ERG: variants seen among roughly 807,000 people sequenced by gnomAD.
ERG encodes the protein ETS transcription factor ERG.
A neutral mutation model predicts 55.3 loss-of-function variants in ERG; 9 were observed. The observed-to-expected ratio is 0.16, with a 90% CI of 0.10 to 0.28. The LOEUF (loss-of-function observed/expected upper bound fraction) is 0.28. Ranked by LOEUF, ERG falls within the 10% of genes least tolerant of loss-of-function variation. The pLI, the probability that ERG is intolerant of heterozygous loss-of-function variation, is 1.00. For missense variants in ERG, 434 were observed against 631.6 expected (o/e 0.69, Z 3.35); for synonymous variants, 223 against 237.3 (o/e 0.94, Z 0.55).
At chr21:38,407,498 G>A (rs1200422039) in intron 3 of ERG, among the ~76,000 whole-genome samples, 1 of 151,254 alleles carries the variant, frequency 6.6e-6, no homozygotes, top group African/African-American at 2.4e-5. Flanking sequence ...AAGGAGATGG[G>A]GAATTTTAGA....
At position 38,384,055 on chromosome 21, in the gene ERG, C is replaced by G; in HGVS notation, c.920-132G>C. 2.4e-6 allele frequency: 3 copies of G among 1,230,940 alleles called. No homozygotes were observed. The South Asian group carries it at 4.6e-5, about 19-fold the overall frequency. The allele number at this position is 1,230,940 out of a possible 1,614,324, so 76.3% of individuals were successfully genotyped here. On this transcript the variant is annotated intron_variant, in intron 9 of 9. Coordinates refer to ENST00000288319, the MANE Select transcript of ERG (RefSeq NM_182918.4). ...CCCTTCACCAGGCCTGTCCGTCCAT[C>G]CCTCAGCTGCAGGGGTGCGGACTGC...
chr21:38,645,281 C>T lies in ERG; in HGVS notation c.-150+16377G>A, dbSNP rs1263845188. 2.6e-5 allele frequency among the ~76,000 whole-genome samples: 4 copies of T among 152,260 alleles called. No individual in the cohort carries two copies. In the East Asian group the frequency reaches 7.7e-4, roughly 29 times the overall value. The stretch of plus-strand genomic sequence containing the variant: ...CTCAAAGGGAATTACCCAGAAAAGG[C>T]AAGAAAAACCTAAGTGTGAACTATG... On this transcript the variant is annotated intron_variant, in intron 1 of 10. Coordinates refer to the ERG transcript ENST00000398910.
At chr21:38,418,796 G>A (rs937517093) in intron 3 of ERG, among the ~76,000 whole-genome samples, 55 of 151,298 alleles carry the variant, frequency 3.6e-4, no homozygotes, top group African/African-American at 1.2e-3. Context: ...GCGTGGTGGC[G>A]GGCGCCTGTA....
chr21:38,612,978 A>G (rs927439358), intron 1 of ERG, among the ~76,000 whole-genome samples: 2 of 152,168 alleles, frequency 1.3e-5, no homozygotes, highest in Non-Finnish European at 2.9e-5. Context: ...TGACATTTCT[A>G]AGCAGTAGAT....
chr21:38,563,991 C>A (rs933151741), intron 2 of ERG, among the ~76,000 whole-genome samples: 22 of 152,088 alleles, frequency 1.4e-4, no homozygotes, highest in African/African-American at 5.3e-4. Context: ...CAATTGTAAT[C>A]TTTTCTGATT....
chr21:38,367,713 T>C, the ERG span: 1 of 485,066 alleles, frequency 2.1e-6, no homozygotes, highest in South Asian at 1.6e-5. Context: ...AGGCGACCCA[T>C]ATTAGAACAA....
chr21:38,509,592 C>T (rs371674277), intron 2 of ERG, among the ~76,000 whole-genome samples: 1 of 152,142 alleles, frequency 6.6e-6, no homozygotes, highest in Non-Finnish European at 1.5e-5. Flanking sequence ...CTCTCCCATC[C>T]CTAACTTTGG....
At chr21:38,402,468 C>T (rs552673726) in intron 5 of ERG, 89 bp downstream of exon 5, 7 of 903,516 alleles carry the variant, frequency 7.7e-6, no homozygotes, top group South Asian at 7.3e-5. Flanking sequence ...GTCTTCCTGG[C>T]ACGCGCTGAC....
chr21:38,511,110 C>A (rs1342413711), intron 2 of ERG, among the ~76,000 whole-genome samples: 1 of 152,054 alleles, frequency 6.6e-6, no homozygotes, highest in Non-Finnish European at 1.5e-5. Context: ...AATGTTTCCC[C>A]CTGAATTTTC....
In ERG at chr21:38,584,863, T is replaced by C. The variant is rs1193579664; in HGVS notation, c.-146A>G. ...TTTTACCTTTAGTTGCCCTTGGTTC[T>C]GCCATCTTTTTTCTCTGTGAGTCAT... On this transcript the variant is annotated 5_prime_UTR_variant, in exon 1 of 9. Coordinates refer to the ERG transcript ENST00000398897. The C allele has an allele frequency of 2.6e-5, 4 of 152,272 alleles. No individual in the cohort carries two copies. In the South Asian group the frequency reaches 6.2e-4, roughly 24 times the overall value. 9.4% of individuals were successfully genotyped at this position (152,272 alleles called of 1,614,324 possible).
chr21:38,453,768 C>G (rs1478385478), intron 1 of ERG, among the ~76,000 whole-genome samples: 2 of 151,612 alleles, frequency 1.3e-5, no homozygotes, highest in African/African-American at 4.9e-5. Context: ...CCTGCAATCT[C>G]AGCTACTCAG....
At chr21:38,578,088 C>T (rs1222981948) in intron 1 of ERG, among the ~76,000 whole-genome samples, 1 of 150,926 alleles carries the variant, frequency 6.6e-6, no homozygotes, top group Non-Finnish European at 1.5e-5. Context: ...CAGCCAGCAC[C>T]AACGCCAGGC....
intron 2 of ERG, among the ~76,000 whole-genome samples, chr21:38,530,174 C>A (rs1463179725): frequency 6.6e-6 from 1 of 152,006 alleles, no homozygotes; most frequent in Non-Finnish European, 1.5e-5. Flanking sequence ...ATTCTCCCAC[C>A]TTTGCCTCCT....
chr21:38,632,808 G>A (rs1161168310), intron 1 of ERG, among the ~76,000 whole-genome samples: 1 of 152,172 alleles, frequency 6.6e-6, no homozygotes, highest in African/African-American at 2.4e-5. Context: ...GTAAAATGGT[G>A]TAGCCCCTCT....
chr21:38,590,138 A>G (rs1478092617), intron 1 of ERG, among the ~76,000 whole-genome samples: 1 of 152,204 alleles, frequency 6.6e-6, no homozygotes, highest in Non-Finnish European at 1.5e-5. Flanking sequence ...GTCTATCCAC[A>G]TGTTGAGTGT....
rs138123054 is a variant in ERG, at chr21:38,448,277, C to T, written c.19-2656G>A. 1.2e-4 allele frequency among the ~76,000 whole-genome samples: 19 copies of T among 152,272 alleles called. No individual in the cohort carries two copies. The East Asian group carries it at 3.5e-3, about 28-fold the overall frequency. ...AAATGCTAGAGATGGGGGAGGCATGCCTCCTTTTTTTGCATCTTAAAATTC... is the reference window on the plus strand; with the variant it reads ...AAATGCTAGAGATGGGGGAGGCATGTCTCCTTTTTTTGCATCTTAAAATTC... On this transcript the variant is annotated intron_variant, in intron 1 of 9. Coordinates refer to ENST00000288319, the MANE Select transcript of ERG (RefSeq NM_182918.4).
intron 1 of ERG, among the ~76,000 whole-genome samples, chr21:38,646,084 G>C (rs2060454431): frequency 6.6e-6 from 1 of 152,098 alleles, no homozygotes; most frequent in South Asian, 2.1e-4. Context: ...TTCGAGACCA[G>C]CCTAGCCAAC....
At chr21:38,645,443 T>C (rs1380773949) in intron 1 of ERG, among the ~76,000 whole-genome samples, 1 of 152,214 alleles carries the variant, frequency 6.6e-6, no homozygotes, top group African/African-American at 2.4e-5. Context: ...TACTGTGGAA[T>C]CCACTGTGAA....
At chr21:38,375,989 A>C (rs1487394105), downstream of ERG, among the ~76,000 whole-genome samples, 1 of 152,108 alleles carries the variant, frequency 6.6e-6, no homozygotes, top group East Asian at 1.9e-4. Context: ...ATGAATAATC[A>C]TTTGTTTGTT....
Sources: gnomAD v4.1 joint callset for allele counts (sites outside exome capture counted in the v4.1 genomes callset) on GRCh38, gnomAD v4.1.1 for gene constraint, MANE v1.5 for transcripts, NCBI Gene and HGNC (gene_info 2026-07-23, HGNC 2026-07-21) for gene names.